PPP3R1: variants seen among roughly 807,000 people sequenced by gnomAD.
PPP3R1 encodes protein phosphatase 3 regulatory subunit B, alpha, also known as calcineurin subunit B type 1.
In PPP3R1, 5 loss-of-function variants were observed where a neutral mutation model predicts 22.6. The observed-to-expected ratio is 0.22, with a 90% CI of 0.12 to 0.46. The LOEUF (loss-of-function observed/expected upper bound fraction) is 0.46. Ranked by LOEUF, PPP3R1 falls within the 20% of genes least tolerant of loss-of-function variation. The pLI is 0.99. For missense variants in PPP3R1, 61 were observed against 203.2 expected (o/e 0.30, Z 4.25); for synonymous variants, 56 against 65.2 (o/e 0.86, Z 0.68).
intron 2 of PPP3R1, among the ~76,000 whole-genome samples, chr2:68,206,497 G>A (rs1046682486): frequency 4.6e-5 from 7 of 152,148 alleles, no homozygotes; most frequent in African/African-American, 1.7e-4. Context: ...ATTAAAACCA[G>A]GTAATGCAGG....
At chr2:68,235,300 TCAC>T (rs1271221446) in intron 1 of PPP3R1, among the ~76,000 whole-genome samples, 1 of 152,096 alleles carries the variant, frequency 6.6e-6, no homozygotes, top group Non-Finnish European at 1.5e-5. Context: ...TGTGCAGCCA[TCAC>T]CACAATCAAA....
At chr2:68,193,471 G>A (rs1674707496) in intron 2 of PPP3R1, among the ~76,000 whole-genome samples, 1 of 152,066 alleles carries the variant, frequency 6.6e-6, no homozygotes, top group Non-Finnish European at 1.5e-5. Flanking sequence ...GCAACTAGAG[G>A]AATCCATACC....
chr2:68,238,298 C>A (rs1372852246), intron 1 of PPP3R1, among the ~76,000 whole-genome samples: 1 of 152,054 alleles, frequency 6.6e-6, no homozygotes, highest in East Asian at 1.9e-4. Context: ...ATGGAATGTA[C>A]TACAGTGAAA....
intron 1 of PPP3R1, among the ~76,000 whole-genome samples, chr2:68,224,606 G>A (rs529465029): frequency 1.3e-5 from 2 of 151,884 alleles, no homozygotes; most frequent in Non-Finnish European, 2.9e-5. Context: ...AGAGGTTGCA[G>A]TGAGCTGAAA....
At chr2:68,246,897 T>C (rs1383695430) in intron 1 of PPP3R1, among the ~76,000 whole-genome samples, 1 of 152,180 alleles carries the variant, frequency 6.6e-6, no homozygotes, top group African/African-American at 2.4e-5. Context: ...GAGCTCCAGA[T>C]ATAGGTAGCC....
intron 1 of PPP3R1, among the ~76,000 whole-genome samples, chr2:68,227,003 C>A (rs538746232): frequency 1.3e-5 from 2 of 151,930 alleles, no homozygotes; most frequent in Non-Finnish European, 2.9e-5. Flanking sequence ...GAGTCTATAA[C>A]CAAATAAGGA....
At chr2:68,203,115 A>G (rs1277698357) in intron 2 of PPP3R1, among the ~76,000 whole-genome samples, 5 of 152,242 alleles carry the variant, frequency 3.3e-5, no homozygotes, top group Non-Finnish European at 1.5e-5. Context: ...CAAGCAAAGC[A>G]TAAGTAATTC....
intron 2 of PPP3R1, among the ~76,000 whole-genome samples, chr2:68,213,691 C>T (rs954176619): frequency 6.6e-6 from 1 of 152,136 alleles, no homozygotes; most frequent in Non-Finnish European, 1.5e-5. Context: ...TTGTAAGAAA[C>T]ACAATTATCT....
chr2:68,193,123 T>C lies in PPP3R1; in HGVS notation c.44-4433A>G, dbSNP rs553848031. Among the ~76,000 whole-genome samples, 119 of 152,308 alleles carry C rather than the reference T, an allele frequency of 7.8e-4. 1 individual carries two copies. Among genetic ancestry groups the C allele is most frequent in the Middle Eastern group, 3.4e-3 (1 of 294 alleles). On this transcript the variant is annotated intron_variant, in intron 2 of 5. Coordinates refer to ENST00000234310, the MANE Select transcript of PPP3R1 (RefSeq NM_000945.4). Reference sequence around the variant, plus strand: ...GTGAAACATTATAAAGTAGTTGATATCTGCTCTGGATGAGTAGTCAAAACT... The same window carrying C: ...GTGAAACATTATAAAGTAGTTGATACCTGCTCTGGATGAGTAGTCAAAACT...
chr2:68,224,394 C>T (rs1669744302), intron 1 of PPP3R1, among the ~76,000 whole-genome samples: 1 of 152,178 alleles, frequency 6.6e-6, no homozygotes, highest in South Asian at 2.1e-4. Flanking sequence ...GGTGCGGTAG[C>T]TCATGCCTGT....
At chr2:68,182,544 G>A (rs776462009) in intron 5 of PPP3R1, among the ~76,000 whole-genome samples, 6 of 151,358 alleles carry the variant, frequency 4.0e-5, no homozygotes, top group Non-Finnish European at 5.9e-5. Flanking sequence ...AGCCAGGTGC[G>A]GTGTCTCACG....
chr2:68,179,679 A>G lies in PPP3R1; in HGVS notation c.*1284T>C, dbSNP rs2103707818. On this transcript the variant is annotated 3_prime_UTR_variant, in exon 6 of 6. Transcript: ENST00000234310. ...ATAAGATCAAACAGTAGAACATGAT[A>G]CACTACTTTTATATCACACAAATTT... is the stretch of plus-strand genomic sequence containing the variant. 1 of 152,358 alleles carries G rather than the reference A, an allele frequency of 6.6e-6. No homozygotes were observed. Among genetic ancestry groups the G allele is most frequent in the Admixed American group, 6.5e-5 (1 of 15,312 alleles). 9.4% of individuals were successfully genotyped at this position (152,358 alleles called of 1,614,324 possible). A position where few individuals can be genotyped will look rare whatever the true frequency, so the allele number is the denominator to read the frequency against.
chr2:68,226,800 C>T (rs758763067), intron 1 of PPP3R1, among the ~76,000 whole-genome samples: 2 of 152,076 alleles, frequency 1.3e-5, no homozygotes, highest in Admixed American at 1.3e-4. Context: ...AGCATCAATG[C>T]GTTAAAGTAC....
intron 1 of PPP3R1, among the ~76,000 whole-genome samples, chr2:68,232,122 T>C (rs56961919): frequency 0.01 from 499 of 48,116 alleles, 16 homozygotes; most frequent in African/African-American, 0.042. Flanking sequence ...TATATATATA[T>C]ATACACACAC....
chr2:68,241,598 C>CA (rs1340047864), intron 1 of PPP3R1, among the ~76,000 whole-genome samples: 8 of 152,156 alleles, frequency 5.3e-5, no homozygotes, highest in Admixed American at 5.2e-4. Flanking sequence ...CCTATAATCC[C>CA]AGCACTTTGG....
chr2:68,210,645 T>C (rs6745773), intron 2 of PPP3R1, among the ~76,000 whole-genome samples: 3,213 of 152,176 alleles, frequency 0.021, 125 homozygotes, highest in African/African-American at 0.074. Context: ...TAACTCTAGG[T>C]AGTTGAAGCA....
chr2:68,205,242 C>CTTT (rs397984912), intron 2 of PPP3R1, among the ~76,000 whole-genome samples: 2,547 of 123,450 alleles, frequency 0.021, 80 homozygotes, highest in Middle Eastern at 0.049. Context: ...TCAGTATTAT[C>CTTT]TTTTTTTTTT....
At chr2:68,224,388 C>A (rs932297778) in intron 1 of PPP3R1, among the ~76,000 whole-genome samples, 3 of 152,086 alleles carry the variant, frequency 2.0e-5, no homozygotes, top group African/African-American at 7.2e-5. Flanking sequence ...GGGCTGGGTG[C>A]GGTAGCTCAT....
At chr2:68,228,085 AG>A (rs1669821006) in intron 1 of PPP3R1, among the ~76,000 whole-genome samples, 1 of 152,154 alleles carries the variant, frequency 6.6e-6, no homozygotes, top group African/African-American at 2.4e-5. Flanking sequence ...TGTCAGCTGT[AG>A]GTTTTCACAG....
Sources: allele counts gnomAD v4.1 joint callset (sites outside exome capture counted in the v4.1 genomes callset), GRCh38; gene constraint gnomAD v4.1.1; transcripts MANE v1.5; gene names NCBI Gene and HGNC (gene_info 2026-07-23, HGNC 2026-07-21).